Variants in KALRN observed in about 807,000 individuals in gnomAD.
KALRN encodes the protein kalirin.
In KALRN, 70 loss-of-function variants were observed where a neutral mutation model predicts 353.7. The ratio of observed to expected loss-of-function variants is 0.20; its 90% CI spans 0.16 to 0.24. The LOEUF is 0.24. Among genes scored for constraint, KALRN ranks in the 10% least tolerant of loss-of-function variants. The pLI, the probability that KALRN is intolerant of heterozygous loss-of-function variation, is 1.00. For synonymous variants in KALRN, 1,391 were observed against 1,434.8 expected (o/e 0.97, Z 0.69); for missense variants, 2,791 against 3,756.7 (o/e 0.74, Z 6.72).
At chr3:124,077,751 T>C (rs1478754445) in intron 1 of KALRN, among the ~76,000 whole-genome samples, 2 of 152,200 alleles carry the variant, frequency 1.3e-5, no homozygotes, top group South Asian at 2.1e-4. Flanking sequence ...TCTTTGAACC[T>C]TGGCATGCTC....
chr3:124,300,975 AGTCTGATTATTT>A (rs2077220718), intron 6 of KALRN, among the ~76,000 whole-genome samples: 1 of 152,212 alleles, frequency 6.6e-6, no homozygotes. Context: ...AATCTAGTCA[AGTCTGATTATTT>A]GTGTGCCTTG....
At chr3:124,205,729 A>G (rs922381378) in intron 1 of KALRN, among the ~76,000 whole-genome samples, 1 of 152,218 alleles carries the variant, frequency 6.6e-6, no homozygotes, top group African/African-American at 2.4e-5. Flanking sequence ...CAATAACAGT[A>G]TAGTACCTTA....
chr3:124,697,827 T>G, intron 55 of KALRN, 103 bp downstream of exon 55: 1 of 1,227,474 alleles, frequency 8.1e-7, no homozygotes, highest in Non-Finnish European at 1.1e-6. Flanking sequence ...TGCTAACCAT[T>G]TTTTCAAAAA....
intron 33 of KALRN, among the ~76,000 whole-genome samples, chr3:124,510,127 G>A (rs940831540): frequency 1.3e-5 from 2 of 152,212 alleles, no homozygotes; most frequent in African/African-American, 2.4e-5. Flanking sequence ...AGCACAATGT[G>A]ATGTGTTTGG....
At chr3:124,214,965 A>C (rs75666175) in intron 1 of KALRN, among the ~76,000 whole-genome samples, 2 of 152,184 alleles carry the variant, frequency 1.3e-5, no homozygotes, top group East Asian at 3.8e-4. Flanking sequence ...TGGCCTCGCT[A>C]TCAGGATGTG....
chr3:124,623,303 C>T (rs113250631), intron 34 of KALRN, among the ~76,000 whole-genome samples: 48 of 151,196 alleles, frequency 3.2e-4, no homozygotes, highest in African/African-American at 1.1e-3. Flanking sequence ...CTGGCCTATG[C>T]AGGTACCTTT....
chr3:124,525,863 G>A (rs1367380591), intron 33 of KALRN, among the ~76,000 whole-genome samples: 1 of 151,832 alleles, frequency 6.6e-6, no homozygotes, highest in Non-Finnish European at 1.5e-5. Flanking sequence ...AGTACTCTCT[G>A]TCTACCCTGC....
intron 1 of KALRN, among the ~76,000 whole-genome samples, chr3:124,045,477 C>T (rs75057343): frequency 0.02 from 2,977 of 152,276 alleles, 91 homozygotes; most frequent in African/African-American, 0.066. Context: ...AGACACTTAA[C>T]CAAAGATTGT....
intron 45 of KALRN, among the ~76,000 whole-genome samples, chr3:124,664,362 TGTGTGTGTGCGCGC>T (rs2085290476): frequency 8.3e-6 from 1 of 119,962 alleles, no homozygotes; most frequent in Non-Finnish European, 1.7e-5. Flanking sequence ...TGTGTGTGTG[TGTGTGTGTGCGCGC>T]GCGCGCATAT....
At position 124,430,886 on chromosome 3, in the gene KALRN, T is replaced by A. The variant is rs111657340; in HGVS notation, c.2829+111T>A. 4.5e-3 allele frequency: 5,959 copies of A among 1,326,826 alleles called. 192 individuals are homozygous for A. The African/African-American group carries it at 0.074, about 17-fold the overall frequency. The allele number at this position is 1,326,826 out of a possible 1,614,324, so 82.2% of individuals were successfully genotyped here. On this transcript the variant is annotated intron_variant, in intron 16 of 59. Coordinates refer to ENST00000682506, the MANE Select transcript of KALRN (RefSeq NM_001388419.1). ...CTTCAGGCAGCGAAGGCTGTACCCC[T>A]TCTAGTAGAATGGTCCAGGGAGCCT...
intron 3 of KALRN, among the ~76,000 whole-genome samples, chr3:124,247,091 A>AT (rs2070390272): frequency 6.6e-6 from 1 of 152,164 alleles, no homozygotes; most frequent in African/African-American, 2.4e-5. Flanking sequence ...TTTCAGGCAT[A>AT]TATTTGATAC....
chr3:124,592,631 G>T (rs999901161), intron 34 of KALRN, among the ~76,000 whole-genome samples: 1 of 152,190 alleles, frequency 6.6e-6, no homozygotes. Flanking sequence ...ATAACCGGCT[G>T]CCCTCAGGCC....
chr3:124,191,689 A>G (rs1021439458), intron 1 of KALRN, among the ~76,000 whole-genome samples: 41 of 152,068 alleles, frequency 2.7e-4, no homozygotes, highest in Non-Finnish European at 5.4e-4. Context: ...GTCTCCCTAC[A>G]TGGCTAGCTT....
intron 51 of KALRN, among the ~76,000 whole-genome samples, chr3:124,687,066 C>G (rs1374522381): frequency 6.6e-6 from 1 of 152,060 alleles, no homozygotes; most frequent in Non-Finnish European, 1.5e-5. Flanking sequence ...CCTCGTGCCT[C>G]AGCCTCCCAA....
At chr3:124,248,037 C>T (rs2070576627) in intron 3 of KALRN, among the ~76,000 whole-genome samples, 1 of 152,206 alleles carries the variant, frequency 6.6e-6, no homozygotes, top group South Asian at 2.1e-4. Context: ...ATTTTTGAAT[C>T]TGGAAAACTC....
intron 6 of KALRN, among the ~76,000 whole-genome samples, chr3:124,318,947 T>C (rs2079064427): frequency 6.6e-6 from 1 of 152,168 alleles, no homozygotes; most frequent in African/African-American, 2.4e-5. Context: ...AATGAGATTG[T>C]TGCATGAACT....
intron 9 of KALRN, among the ~76,000 whole-genome samples, chr3:124,343,285 G>A (rs2081954755): frequency 6.6e-6 from 1 of 152,146 alleles, no homozygotes; most frequent in Admixed American, 6.5e-5. Flanking sequence ...AGCCTCTTGG[G>A]TAGCTGGGAC....
chr3:124,365,405 G>C (rs1400367070), intron 10 of KALRN, among the ~76,000 whole-genome samples: 1 of 152,156 alleles, frequency 6.6e-6, no homozygotes, highest in Non-Finnish European at 1.5e-5. Context: ...TGGTTCTAGG[G>C]CTAGTCTGCA....
intron 57 of KALRN, among the ~76,000 whole-genome samples, chr3:124,703,000 T>A (rs1260120864): frequency 1.3e-5 from 2 of 152,194 alleles, no homozygotes; most frequent in Admixed American, 6.5e-5. Flanking sequence ...TGAGGGAATG[T>A]AGGTAGATCT....
Sources: allele counts gnomAD v4.1 joint callset (sites outside exome capture counted in the v4.1 genomes callset), GRCh38; gene constraint gnomAD v4.1.1; transcripts MANE v1.5; gene names NCBI Gene and HGNC (gene_info 2026-07-23, HGNC 2026-07-21).